Variants in SLC16A4 observed in about 807,000 individuals in gnomAD.
The protein encoded by SLC16A4 is solute carrier family 16 member 4, also known as probable monocarboxylate transporter 5.
A neutral mutation model predicts 47.9 loss-of-function variants in SLC16A4; 39 were observed. That is an observed-to-expected ratio of 0.81 (90% confidence interval 0.63 to 1.06). The LOEUF (loss-of-function observed/expected upper bound fraction) is 1.06, where lower values mean the gene tolerates loss of function less well. Ranked by LOEUF, SLC16A4 falls within the 50% of genes least tolerant of loss-of-function variation. The pLI is 0.00. For synonymous variants in SLC16A4, 189 were observed against 199.9 expected, an observed-to-expected ratio of 0.95 and a Z score of 0.46; for missense variants, 524 against 573.8, an observed-to-expected ratio of 0.91 and a Z score of 0.89.
chr1:110,376,856 C>G (rs1240060073), intron 7 of SLC16A4, 94 bp downstream of exon 7: 2 of 1,069,186 alleles, frequency 1.9e-6, no homozygotes, highest in African/African-American at 1.6e-5. Context: ...TTTTAAGTTA[C>G]AAAATTAATA....
intron 2 of SLC16A4, among the ~76,000 whole-genome samples, chr1:110,388,814 AATTCTCCTGCCTC>A (rs1273601669): frequency 5.9e-5 from 9 of 152,264 alleles, no homozygotes; most frequent in Non-Finnish European, 2.9e-5. Context: ...GATTTCAAGC[AATTCTCCTGCCTC>A]AGCCTCCCAA....
intron 5 of SLC16A4, among the ~76,000 whole-genome samples, 177 bp downstream of exon 5, chr1:110,380,805 C>T (rs1020598964): frequency 2.6e-5 from 4 of 152,132 alleles, no homozygotes; most frequent in South Asian, 2.1e-4. Context: ...ATCTCTTTTG[C>T]GTATGTATTC....
At chr1:110,373,676 A>ATTT (rs1237142099) in intron 8 of SLC16A4, among the ~76,000 whole-genome samples, 18 of 134,830 alleles carry the variant, frequency 1.3e-4, no homozygotes, top group East Asian at 2.1e-4. Context: ...CCCAGTAATA[A>ATTT]TTTTTTTTTT....
At chr1:110,368,120 G>A (rs1391696401) in intron 8 of SLC16A4, among the ~76,000 whole-genome samples, 1 of 152,182 alleles carries the variant, frequency 6.6e-6, no homozygotes, top group Admixed American at 6.5e-5. Context: ...GAGCCACTGC[G>A]CCCAGCCAAG....
intron 2 of SLC16A4, 22 bp from the exon 3 acceptor site, chr1:110,382,988 TC>T (rs1557912985): frequency 6.4e-7 from 1 of 1,572,480 alleles, no homozygotes; most frequent in Non-Finnish European, 8.7e-7. Flanking sequence ...CAGACCAGAG[TC>T]CAACTCAGGT....
intron 2 of SLC16A4, 92 bp downstream of exon 2, chr1:110,389,145 C>T (rs950915949): frequency 1.9e-6 from 2 of 1,078,104 alleles, no homozygotes; most frequent in Middle Eastern, 2.0e-4. Flanking sequence ...CCAAAGATTT[C>T]CTAAGTGATC....
intron 6 of SLC16A4, among the ~76,000 whole-genome samples, chr1:110,377,376 G>A (rs1662066602): frequency 6.6e-6 from 1 of 152,154 alleles, no homozygotes; most frequent in Non-Finnish European, 1.5e-5. Flanking sequence ...GAGTAGTGTA[G>A]AAGACCCATG....
At chr1:110,389,759 T>G (rs1474119226) in intron 1 of SLC16A4, among the ~76,000 whole-genome samples, 1 of 120,480 alleles carries the variant, frequency 8.3e-6, no homozygotes, top group African/African-American at 2.8e-5. Context: ...TCCAGCAATA[T>G]GGATGCAGCT....
intron 2 of SLC16A4, among the ~76,000 whole-genome samples, chr1:110,387,806 C>G (rs1361962911): frequency 1.3e-5 from 2 of 152,158 alleles, no homozygotes; most frequent in Non-Finnish European, 2.9e-5. Flanking sequence ...CTTTAGTTTC[C>G]CTATTAGTAA....
chr1:110,389,821 CTCACTTA>C (rs1662936724), intron 1 of SLC16A4, among the ~76,000 whole-genome samples: 1 of 152,120 alleles, frequency 6.6e-6, no homozygotes, highest in Admixed American at 6.5e-5. Context: ...ACTGCATGTT[CTCACTTA>C]TAAGTGGGAG....
At chr1:110,367,368 C>A (rs930353600) in intron 8 of SLC16A4, among the ~76,000 whole-genome samples, 3 of 152,126 alleles carry the variant, frequency 2.0e-5, no homozygotes, top group African/African-American at 7.2e-5. Flanking sequence ...GTTGGCCAGG[C>A]GTGACGGCTC....
chr1:110,381,597 A>T, intron 4 of SLC16A4, 55 bp downstream of exon 4: 1 of 1,570,366 alleles, frequency 6.4e-7, no homozygotes, highest in Non-Finnish European at 8.6e-7. Context: ...CTAGGATTAC[A>T]AGTGTGAGCC....
In SLC16A4 at chr1:110,379,004, A is replaced by C. The variant is rs749723274; in HGVS notation, c.879T>G (p.Ile293Met). The change falls in exon 6 of 9, where the codon ATT (isoleucine) becomes ATG (methionine). Residue 293 changes from isoleucine (I) to methionine (M), a missense_variant. Physicochemically the swap from Ile to Met is conservative, Grantham distance 10. Coordinates refer to ENST00000369779, the MANE Select transcript of SLC16A4 (RefSeq NM_004696.3). ...AGAAGAAAGGATTTCTAAAGAGAGA[A>C]ATGTCAAACAGTTGTTTGCAGCTCC... ...ISWSCKQLFD[I>M]SLFRNPFFYI... The C allele has an allele frequency of 3.6e-5, 58 of 1,614,098 alleles. No individual in the cohort carries two copies. The highest frequency in any genetic ancestry group is 1.6e-4 in the Middle Eastern group (1 of 6,084).
intron 8 of SLC16A4, among the ~76,000 whole-genome samples, chr1:110,364,792 T>C (rs930585269): frequency 7.9e-5 from 12 of 152,280 alleles, no homozygotes; most frequent in African/African-American, 2.9e-4. Flanking sequence ...ATTATAAGCG[T>C]GAGCCACTGC....
intron 8 of SLC16A4, chr1:110,370,482 A>G (rs1468594530): frequency 6.6e-6 from 1 of 152,204 alleles, no homozygotes; most frequent in Non-Finnish European, 1.5e-5. Flanking sequence ...TGAGGATGGG[A>G]TAGATAGGAA....
chr1:110,378,865 C>T lies in SLC16A4; in HGVS notation c.1018G>A (p.Val340Ile). 1 of 1,606,724 alleles carries T rather than the reference C, an allele frequency of 6.2e-7. No individual in the cohort carries two copies. Among genetic ancestry groups the T allele is most frequent in the Non-Finnish European group, 8.5e-7 (1 of 1,175,840 alleles). The change falls in exon 6 of 9, where the codon GTT (valine) becomes ATT (isoleucine). Residue 340 changes from valine to isoleucine, a missense_variant. By Grantham distance (29) the Val-to-Ile change is conservative. Transcript: ENST00000369779. ...TAGGCTTTCTTACCTGCTACAGAAA[C>T]AAGGTAAGAGGCATCCATGATGTCA... ...GIDIMDASYLVSVAGILETVS... is the reference protein window; with the variant it reads ...GIDIMDASYLISVAGILETVS...
chr1:110,384,872 C>T (rs1227274082), intron 2 of SLC16A4, among the ~76,000 whole-genome samples: 3 of 152,052 alleles, frequency 2.0e-5, no homozygotes, highest in Non-Finnish European at 4.4e-5. Flanking sequence ...ATTAGCTGGG[C>T]GTAGTGGTAT....
Position 110,379,227 on chromosome 1 carries a change from C to A in SLC16A4, c.656G>T (p.Gly219Val), listed in dbSNP as rs765478222. ...TGTTTCTGTTGCATGTGCCTCTGGA[C>A]CATGTGCAGACAAACTGCTGCCTTT... ...KDKGSSLSAH[G>V]PEAHATETHC... is the part of the protein sequence containing the mutation. The change falls in exon 6 of 9, where the codon GGT becomes GTT. Residue 219 changes from glycine to valine, a missense_variant. By Grantham distance (109) the Gly-to-Val change is moderately radical (BLOSUM62 -3). Transcript: ENST00000369779. 6.2e-7 allele frequency: 1 copy of A among 1,614,154 alleles called. No homozygotes were observed. Among genetic ancestry groups the A allele is most frequent in the East Asian group, 2.2e-5 (1 of 44,884 alleles).
At chr1:110,383,096 A>T in intron 2 of SLC16A4, 130 bp from the exon 3 acceptor site, 1 of 698,288 alleles carries the variant, frequency 1.4e-6, no homozygotes, top group Non-Finnish European at 2.2e-6. Flanking sequence ...GTTGAGCCTC[A>T]TTATACATCT....
Sources: gnomAD v4.1 joint callset for allele counts (sites outside exome capture counted in the v4.1 genomes callset) on GRCh38, gnomAD v4.1.1 for gene constraint, MANE v1.5 for transcripts, NCBI Gene and HGNC (gene_info 2026-07-23, HGNC 2026-07-21) for gene names.